The following HLTF variants were observed in gnomAD, a reference collection of about 807,000 sequenced individuals.
The protein encoded by HLTF is helicase like transcription factor, also known as DNA-dependent ATPase/E3 ubiquitin-protein ligase HLTF.
In HLTF, 127 loss-of-function variants were observed where a neutral mutation model predicts 129.4. The ratio of observed to expected loss-of-function variants is 0.98; its 90% CI spans 0.85 to 1.14. The LOEUF (loss-of-function observed/expected upper bound fraction) is 1.14, where lower values mean the gene tolerates loss of function less well. Ranked by LOEUF, HLTF falls within the 50% of genes most tolerant of loss-of-function variation. The pLI, the probability that HLTF is intolerant of heterozygous loss-of-function variation, is 0.00. For synonymous variants in HLTF, 332 were observed against 388.8 expected, an observed-to-expected ratio of 0.85 and a Z score of 1.72; for missense variants, 1,139 against 1,187.1, an observed-to-expected ratio of 0.96 and a Z score of 0.60.
At chr3:149,068,508 C>T (rs1718590185) in intron 7 of HLTF, among the ~76,000 whole-genome samples, 173 bp from the exon 8 acceptor site, 1 of 152,076 alleles carries the variant, frequency 6.6e-6, no homozygotes, top group African/African-American at 2.4e-5. Context: ...TGCTTTCCCC[C>T]ACTGCATTAT....
Position 149,046,262 on chromosome 3 carries a change from A to T in HLTF, c.1893-3T>A. 7.0e-7 allele frequency: 1 copy of T among 1,437,370 alleles called. No individual in the cohort carries two copies. The highest frequency in any genetic ancestry group is 1.3e-5 in the South Asian group (1 of 79,908). 89.0% of individuals were successfully genotyped at this position (1,437,370 alleles called of 1,614,324 possible). On this transcript the variant is annotated splice_region_variant and splice_polypyrimidine_tract_variant and intron_variant, in intron 17 of 24. Coordinates refer to ENST00000310053, the MANE Select transcript of HLTF (RefSeq NM_003071.4). ...TTTTAATTAGGGACTGTAAACGCCTAATCAGAATAAAACAAATAATTATGT... is the reference window on the plus strand; with the variant it reads ...TTTTAATTAGGGACTGTAAACGCCTTATCAGAATAAAACAAATAATTATGT...
At chr3:149,055,052 C>T (rs1344213565) in intron 14 of HLTF, among the ~76,000 whole-genome samples, 3 of 152,162 alleles carry the variant, frequency 2.0e-5, no homozygotes, top group Non-Finnish European at 4.4e-5. Context: ...ATAGCAAAGG[C>T]AGAAATACAA....
intron 23 of HLTF, among the ~76,000 whole-genome samples, chr3:149,035,699 C>CAGTCTTAAG (rs1715545268): frequency 7.0e-6 from 1 of 142,866 alleles, no homozygotes; most frequent in East Asian, 2.1e-4. Context: ...TTTTAAGAGT[C>CAGTCTTAAG]AGTAAGTCCT....
At chr3:149,032,626 CTATA>C (rs974278812) in intron 24 of HLTF, among the ~76,000 whole-genome samples, 2 of 151,914 alleles carry the variant, frequency 1.3e-5, no homozygotes, top group Non-Finnish European at 2.9e-5. Flanking sequence ...AAAAAGCAAA[CTATA>C]TAGGCAACTC....
intron 7 of HLTF, among the ~76,000 whole-genome samples, chr3:149,068,744 T>TACCAAGCTTAAA (rs1209919480): frequency 6.6e-6 from 1 of 152,172 alleles, no homozygotes; most frequent in Non-Finnish European, 1.5e-5. Flanking sequence ...TTAAAGATAA[T>TACCAAGCTTAAA]ACCAAGCTTA....
At chr3:149,050,414 T>C (rs1716889998) in intron 14 of HLTF, 39 bp from the exon 15 acceptor site, 7 of 1,444,832 alleles carry the variant, frequency 4.8e-6, no homozygotes, top group Middle Eastern at 4.7e-4. Context: ...AATGAGCAGA[T>C]TTGTGTCAGA....
At chr3:149,055,833 T>A (rs909163328) in intron 13 of HLTF, among the ~76,000 whole-genome samples, 1 of 152,234 alleles carries the variant, frequency 6.6e-6, no homozygotes, top group African/African-American at 2.4e-5. Flanking sequence ...CAACAGAATA[T>A]AGCAGAGAAG....
chr3:149,071,131 T>C (rs1389773452), intron 7 of HLTF, 121 bp downstream of exon 7: 3 of 571,230 alleles, frequency 5.3e-6, no homozygotes, highest in African/African-American at 1.9e-5. Flanking sequence ...TCTACAAAGA[T>C]AGTAAGATCT....
rs756113953 is a variant in HLTF, at chr3:149,071,302, C to T, written c.844G>A (p.Asp282Asn). 6.2e-6 allele frequency: 10 copies of T among 1,609,736 alleles called. No homozygotes were observed. In the East Asian group the frequency reaches 2.0e-4, roughly 32 times the overall value. Residue 282 changes from aspartate (D) to asparagine (N), a missense_variant, in exon 7 of 25, where the codon GAC becomes AAC. Physicochemically the swap from Asp to Asn is conservative, Grantham distance 23 (BLOSUM62 1). Transcript: ENST00000310053. ...CCTCCATGGACATTTTCTGGTCGGTCCTTCTCAGAAAAATTTGTTATTGTG... is the reference window on the plus strand; with the variant it reads ...CCTCCATGGACATTTTCTGGTCGGTTCTTCTCAGAAAAATTTGTTATTGTG... ...YNTITNFSEK[D>N]RPENVHGGIL...
chr3:149,073,147 AT>A, intron 5 of HLTF, 77 bp downstream of exon 5: 1 of 857,904 alleles, frequency 1.2e-6, no homozygotes, highest in East Asian at 2.5e-5. Flanking sequence ...ACACGTACAT[AT>A]TCATCCTGTT....
intron 14 of HLTF, among the ~76,000 whole-genome samples, chr3:149,053,065 A>T (rs1240440182): frequency 6.6e-6 from 1 of 152,200 alleles, no homozygotes; most frequent in East Asian, 1.9e-4. Context: ...CTATTCCTTT[A>T]CCTGGATTAT....
chr3:149,074,096 A>C, intron 4 of HLTF, 119 bp downstream of exon 4: 1 of 935,084 alleles, frequency 1.1e-6, no homozygotes, highest in Non-Finnish European at 1.5e-6. Flanking sequence ...TCCTGAAAAA[A>C]AGTTGTACCT....
chr3:149,043,256 TA>T, intron 18 of HLTF, among the ~76,000 whole-genome samples: 1 of 151,036 alleles, frequency 6.6e-6, no homozygotes, highest in Non-Finnish European at 1.5e-5. Context: ...TAAGCCAATA[TA>T]AAAAAAGACT....
chr3:149,052,148 T>TAAAAA (rs1178338781), intron 14 of HLTF: 1 of 63,044 alleles, frequency 1.6e-5, no homozygotes, highest in African/African-American at 5.5e-5. Context: ...AGCAAGACTG[T>TAAAAA]AAAAAAAAAA....
intron 22 of HLTF, 49 bp downstream of exon 22, chr3:149,039,532 G>T: frequency 5.9e-6 from 5 of 852,810 alleles, no homozygotes; most frequent in South Asian, 1.9e-5. Context: ...AAATCAATAT[G>T]ATTATATAAA....
At chr3:149,071,120 T>C in intron 7 of HLTF, 132 bp downstream of exon 7, 1 of 539,910 alleles carries the variant, frequency 1.9e-6, no homozygotes, top group Non-Finnish European at 3.2e-6. Flanking sequence ...AAAAACTGTG[T>C]TCTACAAAGA....
intron 7 of HLTF, 142 bp from the exon 8 acceptor site, chr3:149,068,477 G>T: frequency 2.3e-6 from 1 of 426,462 alleles, no homozygotes; most frequent in South Asian, 5.2e-5. Flanking sequence ...TGAAAAATGA[G>T]TATTTCATTT....
At chr3:149,085,553 G>C (rs1438741654) in intron 1 of HLTF, among the ~76,000 whole-genome samples, 2 of 152,122 alleles carry the variant, frequency 1.3e-5, no homozygotes, top group African/African-American at 4.8e-5. Context: ...CTATATAAAA[G>C]ACTTATAAAA....
In HLTF at chr3:149,031,291, A is replaced by C. The variant is rs1333786931; in HGVS notation, c.*929T>G. On this transcript the variant is annotated 3_prime_UTR_variant, in exon 25 of 25. Coordinates refer to ENST00000310053, the MANE Select transcript of HLTF (RefSeq NM_003071.4). ...CATTCAGGATTAAGATGTCTTTAAG[A>C]GTTGAAACGACTTTGGAGATCATCC... 1.3e-5 allele frequency: 2 copies of C among 152,682 alleles called. No homozygotes were observed. 9.5% of individuals were successfully genotyped at this position (152,682 alleles called of 1,614,324 possible).
Sources: gnomAD v4.1 joint callset for allele counts (sites outside exome capture counted in the v4.1 genomes callset) on GRCh38, gnomAD v4.1.1 for gene constraint, MANE v1.5 for transcripts, NCBI Gene and HGNC (gene_info 2026-07-23, HGNC 2026-07-21) for gene names.